CYSLTR1: variants seen among roughly 807,000 people sequenced by gnomAD.
CYSLTR1 encodes the protein G-protein coupled receptor HG55.
Under a neutral mutation model 2.1 loss-of-function variants are expected in CYSLTR1, and 1 was observed. The observed-to-expected ratio is 0.48, with a 90% CI of 0.17 to 2.28. The LOEUF (loss-of-function observed/expected upper bound fraction) is 2.28, where lower values mean the gene tolerates loss of function less well. Among genes scored for constraint, CYSLTR1 ranks in the 30% most tolerant of loss-of-function variants. The pLI is 0.26. For synonymous variants in CYSLTR1, 110 were observed against 89.6 expected (o/e 1.23, Z -1.28); for missense variants, 299 against 250.1 (o/e 1.20, Z -1.32).
intron 1 of CYSLTR1, among the ~76,000 whole-genome samples, chrX:78,285,646 G>A (rs1432435187): frequency 8.9e-6 from 1 of 111,944 alleles, no homozygotes; most frequent in Non-Finnish European, 1.9e-5. Flanking sequence ...TTTCCATGGT[G>A]GCTGTGCAAT....
chrX:78,277,965 T>C (rs936927490), intron 2 of CYSLTR1, among the ~76,000 whole-genome samples: 4 of 111,787 alleles, frequency 3.6e-5, no homozygotes, highest in Non-Finnish European at 7.5e-5. Context: ...AAAATCTGTA[T>C]GGCAACAAAG....
rs192330413 is a variant in CYSLTR1 at position 78,284,109 on chromosome X, A to T, written c.-114-569T>A. The stretch of plus-strand genomic sequence containing the variant: ...TTTGGCATATATTATATACTTTTGG[A>T]GATTAACTGTTTGTAGTTAACTTTT... On this transcript the variant is annotated intron_variant, in intron 1 of 2. Coordinates refer to ENST00000373304, the MANE Select transcript of CYSLTR1 (RefSeq NM_006639.4). Among the ~76,000 whole-genome samples the T allele has an allele frequency of 3.7e-4, 41 of 112,256 alleles. 1 individual carries two copies. The highest frequency in any genetic ancestry group is 1.3e-3 in the African/African-American group (40 of 31,004).
At chrX:78,324,796 C>T (rs1305243606) in intron 1 of CYSLTR1, among the ~76,000 whole-genome samples, 6 of 111,898 alleles carry the variant, frequency 5.4e-5, no homozygotes, top group Non-Finnish European at 1.1e-4. Flanking sequence ...AAGCTTTTCT[C>T]ACTGACCCTT....
Position 78,286,604 on chromosome X carries a change from G to A in CYSLTR1, c.-114-3064C>T, listed in dbSNP as rs1603409995. ...GCTGGTGTGCTGCACCCGTTAACTC[G>A]TCATTTAGCATTAGGTATATCTCCT... On this transcript the variant is annotated intron_variant, in intron 1 of 2. Transcript: ENST00000373304. Among the ~76,000 whole-genome samples the A allele has an allele frequency of 2.8e-5, 3 of 108,917 alleles. No individual in the cohort carries two copies. In the Admixed American group the frequency reaches 2.9e-4, roughly 11 times the overall value. The allele number at this position is 108,917 out of a possible 115,157, so 94.6% of individuals were successfully genotyped here. A position where few individuals can be genotyped will look rare whatever the true frequency, so the allele number is the denominator to read the frequency against.
At position 78,273,175 on chromosome X, in the gene CYSLTR1, T is replaced by A. The variant is rs752093115; in HGVS notation, c.572A>T (p.Tyr191Phe). 3 of 1,210,266 alleles carry A rather than the reference T, an allele frequency of 2.5e-6. No individual in the cohort carries two copies. The highest frequency in any genetic ancestry group is 2.2e-6 in the Non-Finnish European group (2 of 894,630). Residue 191 changes from tyrosine (Y) to phenylalanine (F), a missense_variant, in exon 3 of 3, where the codon TAT (tyrosine) becomes TTT (phenylalanine). Tyr to Phe is a conservative substitution (Grantham distance 22). Coordinates refer to ENST00000373304, the MANE Select transcript of CYSLTR1 (RefSeq NM_006639.4). Reference protein sequence around the residue: ...QTKNHVLVLHYVSLFVGFIIP... With the variant: ...QTKNHVLVLHFVSLFVGFIIP... Reference sequence around the variant, plus strand: ...GATAAAGCCAACAAACAATGACACATAATGCAAGACCAAAACATGATTTTT... The same window carrying A: ...GATAAAGCCAACAAACAATGACACAAAATGCAAGACCAAAACATGATTTTT...
rs746912468 is a variant in CYSLTR1 at position 78,273,185 on chromosome X, C to A, written c.562G>T (p.Val188Phe). ...ACAAACAATGACACATAATGCAAGACCAAAACATGATTTTTAGTTTGATTG... is the reference window on the plus strand; with the variant it reads ...ACAAACAATGACACATAATGCAAGAACAAAACATGATTTTTAGTTTGATTG... ...QDNQTKNHVL[V>F]LHYVSLFVGF... The change falls in exon 3 of 3, where the codon GTC (valine) becomes TTC (phenylalanine). Residue 188 changes from valine (V) to phenylalanine (F), a missense_variant. Physicochemically the swap from Val to Phe is conservative, Grantham distance 50. Coordinates refer to ENST00000373304, the MANE Select transcript of CYSLTR1 (RefSeq NM_006639.4). The A allele has an allele frequency of 8.3e-7, 1 of 1,210,040 alleles. No individual in the cohort carries two copies. The highest frequency in any genetic ancestry group is 1.1e-6 in the Non-Finnish European group (1 of 894,834).
chrX:78,283,989 C>G (rs929606809), intron 1 of CYSLTR1, among the ~76,000 whole-genome samples: 1 of 111,695 alleles, frequency 9.0e-6, no homozygotes, highest in Admixed American at 9.5e-5. Flanking sequence ...TCTGGGATGG[C>G]TTAGAAATAG....
chrX:78,292,846 C>T (rs1922411252), intron 1 of CYSLTR1, among the ~76,000 whole-genome samples: 1 of 108,051 alleles, frequency 9.3e-6, no homozygotes, highest in Non-Finnish European at 1.9e-5. Flanking sequence ...TTCCTCCATC[C>T]CTTTATTTTG....
chrX:78,299,294 C>T (rs1429699540), intron 1 of CYSLTR1, among the ~76,000 whole-genome samples: 1 of 111,427 alleles, frequency 9.0e-6, no homozygotes, highest in Non-Finnish European at 1.9e-5. Context: ...ATTGTTTAAT[C>T]TTTCTACTTA....
chrX:78,317,873 A>T (rs1158573031), intron 1 of CYSLTR1, among the ~76,000 whole-genome samples: 2 of 112,055 alleles, frequency 1.8e-5, no homozygotes, highest in East Asian at 5.6e-4. Context: ...CATTGCGTAC[A>T]GTGTACACTG....
chrX:78,291,653 C>T (rs1182153086), intron 1 of CYSLTR1, among the ~76,000 whole-genome samples: 1 of 110,991 alleles, frequency 9.0e-6, no homozygotes, highest in East Asian at 2.8e-4. Context: ...TGTTATTAGT[C>T]TATTTAGAGA....
chrX:78,281,147 T>G (rs910313021), intron 2 of CYSLTR1, among the ~76,000 whole-genome samples: 3 of 111,843 alleles, frequency 2.7e-5, no homozygotes, highest in Non-Finnish European at 1.9e-5. Context: ...TTTAGCTCTT[T>G]GAGGAATTGC....
intron 1 of CYSLTR1, among the ~76,000 whole-genome samples, chrX:78,294,006 T>G (rs755359768): frequency 8.9e-6 from 1 of 112,478 alleles, no homozygotes; most frequent in Non-Finnish European, 1.9e-5. Flanking sequence ...TCATTCTCTG[T>G]CCAACTTTGT....
chrX:78,302,414 T>C (rs1267610274), intron 1 of CYSLTR1, among the ~76,000 whole-genome samples: 3 of 111,494 alleles, frequency 2.7e-5, no homozygotes, highest in African/African-American at 9.8e-5. Context: ...ATTTTTTTTC[T>C]GGCTGAGCTG....
In CYSLTR1 at chrX:78,272,659, T is replaced by C. The variant is rs1434443894; in HGVS notation, c.*74A>G. 1 of 1,003,424 alleles carries C rather than the reference T, an allele frequency of 1.0e-6. No homozygotes were observed. Among genetic ancestry groups the C allele is most frequent in the Non-Finnish European group, 1.3e-6 (1 of 765,669 alleles). 82.7% of individuals were successfully genotyped at this position (1,003,424 alleles called of 1,213,427 possible). ...AAAATATTAAGTAAAATTTTTATTT[T>C]TTTTGTAAATGATTTGACAAAATAC... On this transcript the variant is annotated 3_prime_UTR_variant, in exon 3 of 3. Coordinates refer to ENST00000373304, the MANE Select transcript of CYSLTR1 (RefSeq NM_006639.4).
At chrX:78,296,124 A>AT (rs922159876) in intron 1 of CYSLTR1, among the ~76,000 whole-genome samples, 1 of 111,161 alleles carries the variant, frequency 9.0e-6, no homozygotes, top group Non-Finnish European at 1.9e-5. Context: ...ATGGATATTT[A>AT]TTTTTACCAG....
chrX:78,299,509 G>T (rs772340432), intron 1 of CYSLTR1, among the ~76,000 whole-genome samples: 27 of 108,275 alleles, frequency 2.5e-4, no homozygotes, highest in Non-Finnish European at 4.8e-4. Context: ...TTTTTTGTCT[G>T]GGAAAGTCTT....
intron 2 of CYSLTR1, among the ~76,000 whole-genome samples, chrX:78,281,693 G>A (rs144405451): frequency 0.013 from 1,423 of 111,388 alleles, 20 homozygotes; most frequent in African/African-American, 0.044. Flanking sequence ...ATAATTTCAA[G>A]TAAATAATAT....
At chrX:78,294,196 T>C (rs1922477754) in intron 1 of CYSLTR1, among the ~76,000 whole-genome samples, 1 of 112,768 alleles carries the variant, frequency 8.9e-6, no homozygotes, top group Admixed American at 9.3e-5. Flanking sequence ...TTGTTAGTTT[T>C]CCTTCTAACA....
Sources: allele counts gnomAD v4.1 joint callset (sites outside exome capture counted in the v4.1 genomes callset), GRCh38; gene constraint gnomAD v4.1.1; transcripts MANE v1.5; gene names NCBI Gene and HGNC (gene_info 2026-07-23, HGNC 2026-07-21).